The following NAA16 variants were observed in gnomAD, a reference collection of about 807,000 sequenced individuals.
The protein encoded by NAA16 is N-alpha-acetyltransferase 16, NatA auxiliary subunit.
NAA16 carries 97 observed loss-of-function variants against 110.3 expected under a neutral mutation model. The ratio of observed to expected loss-of-function variants is 0.88; its 90% CI spans 0.75 to 1.04. The LOEUF (loss-of-function observed/expected upper bound fraction) is 1.04. Ranked by LOEUF, NAA16 falls within the 50% of genes least tolerant of loss-of-function variation. The pLI is 0.00. For synonymous variants in NAA16, 372 were observed against 330.6 expected, an observed-to-expected ratio of 1.13 and a Z score of -1.36; for missense variants, 1,017 against 1,005.1, an observed-to-expected ratio of 1.01 and a Z score of -0.16.
rs767305798 is a variant in NAA16 at position 41,355,197 on chromosome 13, T to G, written c.1068T>G (p.Cys356Trp). Residue 356 changes from cysteine (C) to tryptophan (W), a missense_variant, in exon 10 of 20, where the codon TGT (cysteine) becomes TGG (tryptophan). By Grantham distance (215) the Cys-to-Trp change is radical. Transcript: ENST00000379406. ...ATTATGAAGCCTCTCTTAAAACGTG[T>G]GACTTTTTTAGCCCATATGGTAAGT... ...VTNYEASLKT[C>W]DFFSPYENGE... 1 of 1,587,582 alleles carries G rather than the reference T, an allele frequency of 6.3e-7. No individual in the cohort carries two copies. The highest frequency in any genetic ancestry group is 1.4e-5 in the African/African-American group (1 of 73,584).
chr13:41,311,267 G>A lies in NAA16; in HGVS notation c.-262G>A, dbSNP rs906984905. 9.1e-6 allele frequency: 5 copies of A among 549,134 alleles called. No homozygotes were observed. Among genetic ancestry groups the A allele is most frequent in the African/African-American group, 6.0e-5 (3 of 49,954 alleles). 34.0% of individuals were successfully genotyped at this position (549,134 alleles called of 1,614,324 possible). A position where few individuals can be genotyped will look rare whatever the true frequency, so the allele number is the denominator to read the frequency against. On this transcript the variant is annotated 5_prime_UTR_variant, in exon 1 of 20. Coordinates refer to ENST00000379406, the MANE Select transcript of NAA16 (RefSeq NM_024561.5). ...GGAGGCGGACCCTGGCTGCCATCTT[G>A]CAGTGCGCGGGAACCGCCGCCGCCG...
rs1216156055 is a variant in NAA16 at position 41,358,425 on chromosome 13, T to C, written c.1209T>C (p.Ser403=). The change falls in exon 11 of 20, where the codon AGT becomes AGC. Residue 403 remains serine, a synonymous_variant. Transcript: ENST00000379406. ...ALDYINAAIA[S]TPTLIELFYM... is the part of the protein sequence containing the mutation. ...ATTATATTAATGCTGCAATTGCTAG[T>C]ACTCCAACTCTAATAGAATTATTCT... The C allele has an allele frequency of 1.2e-6, 2 of 1,613,304 alleles. No homozygotes were observed. Among genetic ancestry groups the C allele is most frequent in the Non-Finnish European group, 1.7e-6 (2 of 1,179,342 alleles).
chr13:41,337,274 T>TA (rs1159083810), intron 9 of NAA16, among the ~76,000 whole-genome samples: 1 of 152,160 alleles, frequency 6.6e-6, no homozygotes, highest in African/African-American at 2.4e-5. Context: ...CCAGGTGTGG[T>TA]GGCTCATGCC....
chr13:41,333,635 A>G (rs1270703762), intron 8 of NAA16, among the ~76,000 whole-genome samples: 1 of 151,898 alleles, frequency 6.6e-6, no homozygotes, highest in Non-Finnish European at 1.5e-5. Context: ...TTTAAAATAC[A>G]TTCATATGCT....
intron 15 of NAA16, among the ~76,000 whole-genome samples, chr13:41,370,190 T>G (rs915834638): frequency 7.9e-5 from 12 of 152,186 alleles, no homozygotes; most frequent in African/African-American, 2.4e-4. Flanking sequence ...CAAAGGATGG[T>G]TTGATAATTT....
intron 9 of NAA16, among the ~76,000 whole-genome samples, chr13:41,350,904 A>T (rs1241415400): frequency 6.6e-6 from 1 of 152,138 alleles, no homozygotes; most frequent in Admixed American, 6.6e-5. Flanking sequence ...TGGGATTATT[A>T]TAGGCATGAG....
chr13:41,338,828 G>A (rs1361013065), intron 9 of NAA16, among the ~76,000 whole-genome samples: 5 of 152,076 alleles, frequency 3.3e-5, no homozygotes, highest in African/African-American at 1.2e-4. Context: ...AAGTTCTTTA[G>A]TGGTGATTTC....
At chr13:41,373,821 A>G (rs775581442) in intron 18 of NAA16, 41 bp downstream of exon 18, 1 of 1,546,268 alleles carries the variant, frequency 6.5e-7, no homozygotes, top group South Asian at 1.3e-5. Context: ...TTATGGAAAA[A>G]GCGAACAAAG....
intron 10 of NAA16, among the ~76,000 whole-genome samples, chr13:41,355,548 G>A (rs531223374): frequency 2.6e-5 from 4 of 152,262 alleles, no homozygotes; most frequent in African/African-American, 9.6e-5. Context: ...TCCTGCCTTA[G>A]CCTTCTGAGT....
At chr13:41,334,861 G>A (rs1403028722) in intron 8 of NAA16, among the ~76,000 whole-genome samples, 1 of 151,966 alleles carries the variant, frequency 6.6e-6, no homozygotes. Context: ...CAAATACATT[G>A]TGCATGTGTG....
rs201785967 is a variant in NAA16 at position 41,313,222 on chromosome 13, T to TA, written c.54+1649dup. 1.5e-4 allele frequency among the ~76,000 whole-genome samples: 22 copies of TA among 151,430 alleles called. No homozygotes were observed. The East Asian group carries it at 1.5e-3, about 11-fold the overall frequency. On this transcript the variant is annotated intron_variant, in intron 1 of 19. Coordinates refer to ENST00000379406, the MANE Select transcript of NAA16 (RefSeq NM_024561.5). ...AAATAAATTGGGAAATGGTAACCAC[T>TA]AAAAAAAAATCAATTATTTTGAGAT... is the stretch of plus-strand genomic sequence containing the variant.
intron 9 of NAA16, among the ~76,000 whole-genome samples, chr13:41,343,481 A>G (rs1440597624): frequency 6.6e-6 from 1 of 152,102 alleles, no homozygotes; most frequent in Non-Finnish European, 1.5e-5. Context: ...CATTTTGACC[A>G]TAAATTTTGT....
intron 9 of NAA16, among the ~76,000 whole-genome samples, chr13:41,342,531 C>CT (rs894946900): frequency 1.3e-5 from 2 of 152,152 alleles, no homozygotes; most frequent in African/African-American, 4.8e-5. Flanking sequence ...GCCTAGTAAT[C>CT]TTTTTGATTG....
intron 9 of NAA16, among the ~76,000 whole-genome samples, chr13:41,343,933 A>G (rs1273728683): frequency 3.3e-5 from 5 of 152,130 alleles, no homozygotes; most frequent in Non-Finnish European, 7.4e-5. Context: ...TGGCCTCCCA[A>G]AGTGCTGAGA....
chr13:41,345,702 C>T (rs1033047138), intron 9 of NAA16, among the ~76,000 whole-genome samples: 15 of 152,174 alleles, frequency 9.9e-5, no homozygotes, highest in African/African-American at 3.6e-4. Context: ...CCCACCTCCA[C>T]TTCCTGAGTA....
intron 9 of NAA16, among the ~76,000 whole-genome samples, chr13:41,339,733 T>TCCCG (rs2042484992): frequency 6.6e-6 from 1 of 152,136 alleles, no homozygotes; most frequent in Non-Finnish European, 1.5e-5. Flanking sequence ...TAATTTTTTG[T>TCCCG]ATTTTTAGTA....
In NAA16 at chr13:41,375,800, T is replaced by C; in HGVS notation, c.*198T>C. On this transcript the variant is annotated 3_prime_UTR_variant, in exon 20 of 20. Coordinates refer to ENST00000379406, the MANE Select transcript of NAA16 (RefSeq NM_024561.5). ...TCTGTTAAAATTACCTGTTTATTCT[T>C]ACACAGTTTTGTGGTAGCTCCGATC... The C allele has an allele frequency of 2.1e-6, 1 of 475,952 alleles. No individual in the cohort carries two copies. Among genetic ancestry groups the C allele is most frequent in the Admixed American group, 3.7e-5 (1 of 26,698 alleles). 29.5% of individuals were successfully genotyped at this position (475,952 alleles called of 1,614,324 possible).
intron 9 of NAA16, among the ~76,000 whole-genome samples, chr13:41,353,334 G>C (rs928155306): frequency 6.6e-6 from 1 of 152,012 alleles, no homozygotes; most frequent in Non-Finnish European, 1.5e-5. Context: ...AGGTGAGATT[G>C]GTGGAGAGGT....
chr13:41,336,434 A>C (rs2042383103), intron 8 of NAA16, among the ~76,000 whole-genome samples: 1 of 152,166 alleles, frequency 6.6e-6, no homozygotes, highest in Non-Finnish European at 1.5e-5. Flanking sequence ...CTGTAGACTG[A>C]GTGTGCTAGT....
Sources: gnomAD v4.1 joint callset for allele counts (sites outside exome capture counted in the v4.1 genomes callset) on GRCh38, gnomAD v4.1.1 for gene constraint, MANE v1.5 for transcripts, NCBI Gene and HGNC (gene_info 2026-07-23, HGNC 2026-07-21) for gene names.